CAMTA1: variants seen among roughly 807,000 people sequenced by gnomAD.
CAMTA1 encodes the protein calmodulin-binding transcription activator 1.
In CAMTA1, 27 loss-of-function variants were observed where a neutral mutation model predicts 170.9. That is an observed-to-expected ratio of 0.16 (90% CI 0.12 to 0.22). The LOEUF is 0.22. Ranked by LOEUF, CAMTA1 falls within the 10% of genes least tolerant of loss-of-function variation. CAMTA1 has a pLI of 1.00. For synonymous variants in CAMTA1, 833 were observed against 891.5 expected (o/e 0.93, Z 1.17); for missense variants, 1,619 against 2,217.2 (o/e 0.73, Z 5.42).
At chr1:7,762,854 TATAAA>T (rs1377226049) in intron 22 of CAMTA1, among the ~76,000 whole-genome samples, 4 of 152,234 alleles carry the variant, frequency 2.6e-5, no homozygotes, top group Non-Finnish European at 4.4e-5. Flanking sequence ...TATAGTGTCT[TATAAA>T]AGATGACACC....
At chr1:6,940,113 G>A (rs1686182973) in intron 3 of CAMTA1, among the ~76,000 whole-genome samples, 1 of 152,268 alleles carries the variant, frequency 6.6e-6, no homozygotes, top group Non-Finnish European at 1.5e-5. Flanking sequence ...CTGGGATGGA[G>A]TTTGTATTAG....
At chr1:7,393,957 T>C (rs559104565) in intron 5 of CAMTA1, among the ~76,000 whole-genome samples, 3 of 152,344 alleles carry the variant, frequency 2.0e-5, no homozygotes, top group African/African-American at 7.2e-5. Flanking sequence ...TTTGTCTTTC[T>C]GTGCCAGGCT....
intron 3 of CAMTA1, among the ~76,000 whole-genome samples, chr1:7,039,568 G>A (rs1212214497): frequency 6.6e-6 from 1 of 152,204 alleles, no homozygotes; most frequent in Non-Finnish European, 1.5e-5. Flanking sequence ...TGGAAGACGT[G>A]TAGGTATGTG....
chr1:7,640,337 G>A (rs902719893), intron 6 of CAMTA1, 63 bp from the exon 7 acceptor site: 18 of 1,588,768 alleles, frequency 1.1e-5, no homozygotes, highest in Admixed American at 3.4e-5. Context: ...GGGGTTGGGG[G>A]CGGCCCTGAC....
intron 5 of CAMTA1, among the ~76,000 whole-genome samples, chr1:7,342,836 C>G (rs1182704900): frequency 6.6e-6 from 1 of 152,176 alleles, no homozygotes; most frequent in African/African-American, 2.4e-5. Context: ...AGTGGGCAAA[C>G]TATTCACCTC....
chr1:7,147,898 GCA>G (rs1487844726), intron 4 of CAMTA1, among the ~76,000 whole-genome samples: 9 of 93,838 alleles, frequency 9.6e-5, no homozygotes, highest in African/African-American at 3.4e-4. Context: ...CATATACCAT[GCA>G]CACACACACT....
intron 6 of CAMTA1, among the ~76,000 whole-genome samples, chr1:7,498,462 AGT>A (rs377570197): frequency 4.7e-5 from 7 of 147,908 alleles, no homozygotes; most frequent in Admixed American, 1.3e-4. Context: ...TGTGCATGAC[AGT>A]GTGTGTGGAT....
intron 4 of CAMTA1, among the ~76,000 whole-genome samples, chr1:7,223,933 G>T (rs1661248565): frequency 6.6e-6 from 1 of 152,114 alleles, no homozygotes; most frequent in African/African-American, 2.4e-5. Context: ...TTTAACGAAG[G>T]TATCATCCCA....
intron 5 of CAMTA1, among the ~76,000 whole-genome samples, chr1:7,270,549 G>A (rs1467745201): frequency 6.6e-6 from 1 of 152,016 alleles, no homozygotes; most frequent in Non-Finnish European, 1.5e-5. Context: ...GCCTGCCTTG[G>A]CCTCCCAAAG....
chr1:7,657,575 G>A (rs552270589), intron 7 of CAMTA1, among the ~76,000 whole-genome samples: 41 of 152,318 alleles, frequency 2.7e-4, no homozygotes, highest in Non-Finnish European at 4.0e-4. Flanking sequence ...GGAAGGGGCC[G>A]AGGGGGCGGC....
intron 3 of CAMTA1, among the ~76,000 whole-genome samples, chr1:7,082,656 T>G (rs912411988): frequency 1.3e-5 from 2 of 152,138 alleles, no homozygotes; most frequent in Non-Finnish European, 2.9e-5. Flanking sequence ...TCTCATTACT[T>G]TATATTACTC....
At chr1:7,761,357 C>T (rs2096974341) in intron 22 of CAMTA1, among the ~76,000 whole-genome samples, 1 of 152,116 alleles carries the variant, frequency 6.6e-6, no homozygotes, top group African/African-American at 2.4e-5. Flanking sequence ...TGCATTGCCT[C>T]TATGAGCTCA....
intron 3 of CAMTA1, among the ~76,000 whole-genome samples, chr1:6,984,577 G>A (rs1458360674): frequency 6.6e-6 from 1 of 152,134 alleles, no homozygotes; most frequent in African/African-American, 2.4e-5. Context: ...TGGCGCCACT[G>A]CACCCTGCCT....
intron 5 of CAMTA1, among the ~76,000 whole-genome samples, chr1:7,381,351 G>A (rs2149065082): frequency 7.2e-6 from 1 of 139,336 alleles, no homozygotes; most frequent in South Asian, 2.3e-4. Context: ...TCCCCTTCCT[G>A]TGTCCATGTG....
chr1:7,377,889 CCA>C (rs2086966580), intron 5 of CAMTA1, among the ~76,000 whole-genome samples: 1 of 151,980 alleles, frequency 6.6e-6, no homozygotes, highest in Non-Finnish European at 1.5e-5. Flanking sequence ...CCACTGCACT[CCA>C]GTCTGGGTGA....
intron 4 of CAMTA1, among the ~76,000 whole-genome samples, chr1:7,219,059 T>C (rs1374394041): frequency 6.6e-6 from 1 of 152,188 alleles, no homozygotes; most frequent in Non-Finnish European, 1.5e-5. Context: ...CTTTTCATGT[T>C]AATTGTACCA....
intron 3 of CAMTA1, among the ~76,000 whole-genome samples, chr1:6,869,298 G>C (rs1005789904): frequency 6.6e-6 from 1 of 152,200 alleles, no homozygotes; most frequent in Non-Finnish European, 1.5e-5. Context: ...CCAAAGTTAA[G>C]ACTTAGGCCA....
At chr1:7,142,626 A>G (rs564715657) in intron 4 of CAMTA1, among the ~76,000 whole-genome samples, 1 of 152,270 alleles carries the variant, frequency 6.6e-6, no homozygotes, top group South Asian at 2.1e-4. Flanking sequence ...AATTCCTGTG[A>G]AAGTTCCTCC....
chr1:7,025,171 G>A (rs1701856813), intron 3 of CAMTA1, among the ~76,000 whole-genome samples: 3 of 152,224 alleles, frequency 2.0e-5, no homozygotes, highest in African/African-American at 4.8e-5. Flanking sequence ...ATGCGCAAGA[G>A]CTGCTCTTGC....
Sources: gnomAD v4.1 joint callset for allele counts (sites outside exome capture counted in the v4.1 genomes callset) on GRCh38, gnomAD v4.1.1 for gene constraint, MANE v1.5 for transcripts, NCBI Gene and HGNC (gene_info 2026-07-23, HGNC 2026-07-21) for gene names.